The following DCDC1 variants were observed in gnomAD, a reference collection of about 807,000 sequenced individuals.
DCDC1 encodes doublecortin domain containing 1, also known as doublecortin domain-containing protein 1.
Under a neutral mutation model 178.3 loss-of-function variants are expected in DCDC1, and 200 were observed. The ratio of observed to expected loss-of-function variants is 1.12; its 90% CI spans 1.00 to 1.26. DCDC1 has a LOEUF of 1.26. Among genes scored for constraint, DCDC1 ranks in the 50% most tolerant of loss-of-function variants. The pLI is 0.00. For missense variants in DCDC1, 1,983 were observed against 1,749.2 expected (o/e 1.13, Z -2.38); for synonymous variants, 690 against 604.8 (o/e 1.14, Z -2.07).
chr11:31,183,035 G>A (rs933495789), intron 9 of DCDC1, among the ~76,000 whole-genome samples: 2 of 152,120 alleles, frequency 1.3e-5, no homozygotes, highest in Non-Finnish European at 2.9e-5. Context: ...AGGGATCAAT[G>A]CAACAAGAAG....
chr11:31,181,686 A>G (rs1260967768), intron 9 of DCDC1, among the ~76,000 whole-genome samples: 3 of 152,228 alleles, frequency 2.0e-5, no homozygotes, highest in Non-Finnish European at 2.9e-5. Context: ...AACAAAAAGG[A>G]TGTCCACACA....
At chr11:31,161,766 CTAA>C (rs1470651788) in intron 9 of DCDC1, among the ~76,000 whole-genome samples, 1 of 152,164 alleles carries the variant, frequency 6.6e-6, no homozygotes. Context: ...GGACTTTGCC[CTAA>C]TGCACTGTGT....
At chr11:31,077,737 C>A in intron 18 of DCDC1, 128 bp downstream of exon 18, 1 of 455,370 alleles carries the variant, frequency 2.2e-6, no homozygotes, top group Non-Finnish European at 3.9e-6. Flanking sequence ...TTCTAAATTT[C>A]TAGGTACAGA....
Position 31,054,991 on chromosome 11 carries a change from CTTAA to C in DCDC1, c.2591+9474_2591+9477del, listed in dbSNP as rs76879033. ...TAAAAACAAAGATAAATAGTTGTGA[CTTAA>C]TTAAACTAAAGAGCTTTCGCACGGC... On this transcript the variant is annotated intron_variant, in intron 20 of 38. Coordinates refer to ENST00000684477, the MANE Select transcript of DCDC1 (RefSeq NM_001387274.1). Among the ~76,000 whole-genome samples, 524 of 152,182 alleles carry C rather than the reference CTTAA, an allele frequency of 3.4e-3. 1 individual carries two copies. The highest frequency in any genetic ancestry group is 5.3e-3 in the Non-Finnish European group (359 of 67,948).
intron 20 of DCDC1, among the ~76,000 whole-genome samples, chr11:30,954,718 G>A (rs191765341): frequency 1.4e-4 from 21 of 152,298 alleles, no homozygotes; most frequent in African/African-American, 5.1e-4. Flanking sequence ...GAATGAGAGT[G>A]CAGGAGCAGT....
rs1201182346 is a variant in DCDC1, at chr11:31,295,871, A to AT, written c.755-5020dup. On this transcript the variant is annotated intron_variant, in intron 6 of 38. Coordinates refer to ENST00000684477, the MANE Select transcript of DCDC1 (RefSeq NM_001387274.1). ...CTTCACAGTAACTCTTCAAAGCATCATTTTTTTTCCATTTCCAACCAGACC... is the reference window on the plus strand; with the variant it reads ...CTTCACAGTAACTCTTCAAAGCATCATTTTTTTTTCCATTTCCAACCAGACC... Among the ~76,000 whole-genome samples, 13 of 151,812 alleles carry AT rather than the reference A, an allele frequency of 8.6e-5. No homozygotes were observed. The East Asian group carries it at 2.3e-3, about 27-fold the overall frequency.
intron 9 of DCDC1, among the ~76,000 whole-genome samples, chr11:31,173,359 T>C (rs897187182): frequency 2.6e-5 from 4 of 152,270 alleles, no homozygotes; most frequent in African/African-American, 9.6e-5. Context: ...AAATAAGAGT[T>C]TCACATTTTA....
At chr11:31,356,027 G>A (rs917905001) in intron 1 of DCDC1, among the ~76,000 whole-genome samples, 11 of 152,042 alleles carry the variant, frequency 7.2e-5, no homozygotes, top group Non-Finnish European at 1.2e-4. Context: ...CCTTCTCTCA[G>A]CTCTCTCAAA....
chr11:31,000,384 G>A (rs1473319170), intron 20 of DCDC1, among the ~76,000 whole-genome samples: 1 of 152,062 alleles, frequency 6.6e-6, no homozygotes, highest in Admixed American at 6.6e-5. Context: ...TAGAGGAGGA[G>A]GATTCTTTGC....
intron 20 of DCDC1, among the ~76,000 whole-genome samples, chr11:30,982,658 T>C (rs1287194303): frequency 1.3e-5 from 2 of 152,212 alleles, no homozygotes; most frequent in Non-Finnish European, 2.9e-5. Flanking sequence ...CTGCAATTTT[T>C]CACATTAGAT....
At chr11:31,253,444 C>T (rs1944202888) in intron 8 of DCDC1, among the ~76,000 whole-genome samples, 1 of 149,486 alleles carries the variant, frequency 6.7e-6, no homozygotes, top group African/African-American at 2.5e-5. Context: ...GCAAGCCCTG[C>T]CTTGGAGATT....
chr11:31,325,173 G>T (rs1248615381), intron 3 of DCDC1, among the ~76,000 whole-genome samples: 1 of 152,092 alleles, frequency 6.6e-6, no homozygotes, highest in African/African-American at 2.4e-5. Context: ...AAATGCAATT[G>T]TAATTTGGAG....
chr11:31,101,992 G>A (rs1358941456), intron 15 of DCDC1, among the ~76,000 whole-genome samples, 185 bp downstream of exon 15: 6 of 151,670 alleles, frequency 4.0e-5, no homozygotes, highest in Middle Eastern at 3.4e-3. Flanking sequence ...CGGGAGAATC[G>A]CTTGAACCCA....
intron 38 of DCDC1, among the ~76,000 whole-genome samples, chr11:30,877,975 A>G (rs575947084): frequency 6.6e-6 from 1 of 152,284 alleles, no homozygotes; most frequent in East Asian, 1.9e-4. Context: ...AGTATTTTAC[A>G]TAAGCTATTT....
intron 18 of DCDC1, among the ~76,000 whole-genome samples, chr11:31,068,274 G>T (rs186973035): frequency 6.6e-6 from 1 of 152,068 alleles, no homozygotes; most frequent in Non-Finnish European, 1.5e-5. Flanking sequence ...GGCACATGCT[G>T]TTATTTTGAT....
rs1944037691 is a variant in DCDC1, at chr11:30,894,402, T to C, written c.4766-18A>G. 2 of 1,603,452 alleles carry C rather than the reference T, an allele frequency of 1.2e-6. No individual in the cohort carries two copies. Among genetic ancestry groups the C allele is most frequent in the Admixed American group, 1.8e-5 (1 of 56,870 alleles). Reference sequence around the variant, plus strand: ...TCGCCGCCCTGAGGAAACAAGTCTCTAGAAATTTTGTTTCTGATGATAGGC... The same window carrying C: ...TCGCCGCCCTGAGGAAACAAGTCTCCAGAAATTTTGTTTCTGATGATAGGC... On this transcript the variant is annotated intron_variant, in intron 34 of 38. Coordinates refer to ENST00000684477, the MANE Select transcript of DCDC1 (RefSeq NM_001387274.1).
intron 9 of DCDC1, among the ~76,000 whole-genome samples, chr11:31,179,061 A>T (rs1374587473): frequency 6.6e-6 from 1 of 152,176 alleles, no homozygotes; most frequent in African/African-American, 2.4e-5. Flanking sequence ...AACGGCTGAC[A>T]GGTATATGAA....
intron 9 of DCDC1, among the ~76,000 whole-genome samples, chr11:31,215,838 T>G (rs944693957): frequency 6.6e-6 from 1 of 151,778 alleles, no homozygotes; most frequent in Admixed American, 6.6e-5. Context: ...AAATTGGGCC[T>G]TTTTCCTTCT....
intron 14 of DCDC1, among the ~76,000 whole-genome samples, chr11:31,103,005 G>A (rs1958605586): frequency 6.6e-6 from 1 of 152,174 alleles, no homozygotes; most frequent in African/African-American, 2.4e-5. Context: ...TAAGAGTAGA[G>A]TAATATGGAA....
Sources: allele counts gnomAD v4.1 joint callset (sites outside exome capture counted in the v4.1 genomes callset), GRCh38; gene constraint gnomAD v4.1.1; transcripts MANE v1.5; gene names NCBI Gene and HGNC (gene_info 2026-07-23, HGNC 2026-07-21).